The following NR1H3 variants were observed in gnomAD, a reference collection of about 807,000 sequenced individuals.
NR1H3 encodes nuclear receptor subfamily 1 group H member 3.
NR1H3 carries 19 observed loss-of-function variants against 48.1 expected under a neutral mutation model. That is an observed-to-expected ratio of 0.40 (90% CI 0.28 to 0.58). NR1H3 has a LOEUF of 0.58. NR1H3 is among the 20% of genes least tolerant of loss of function. NR1H3 has a pLI of 0.50. For synonymous variants in NR1H3, 232 were observed against 227.3 expected, an observed-to-expected ratio of 1.02 and a Z score of -0.19; for missense variants, 486 against 595.9, an observed-to-expected ratio of 0.82 and a Z score of 1.92.
chr11:47,248,887 C>T, upstream of NR1H3: 4 of 1,548,152 alleles, frequency 2.6e-6, no homozygotes, highest in Non-Finnish European at 2.6e-6. Context: ...GCCGGAAGTG[C>T]GTTCGCCGCC....
At chr11:47,259,130 C>T (rs1434839437) in intron 1 of NR1H3, 50 bp from the exon 2 acceptor site, 46 of 1,607,140 alleles carry the variant, frequency 2.9e-5, no homozygotes, top group Non-Finnish European at 3.8e-5. Flanking sequence ...GGAGCTGAGG[C>T]CAGAAAGGAG....
chr11:47,266,782 C>A (rs1956527751), intron 7 of NR1H3, among the ~76,000 whole-genome samples: 1 of 151,560 alleles, frequency 6.6e-6, no homozygotes, highest in South Asian at 2.1e-4. Context: ...GCTGGAATTA[C>A]AGGAGTGCAC....
At chr11:47,265,616 G>C (rs1956381433) in intron 7 of NR1H3, among the ~76,000 whole-genome samples, 1 of 152,174 alleles carries the variant, frequency 6.6e-6, no homozygotes, top group Admixed American at 6.5e-5. Context: ...GCTCATGCCT[G>C]TAATCCCAGT....
intron 4 of NR1H3, among the ~76,000 whole-genome samples, 199 bp from the exon 5 acceptor site, chr11:47,261,042 G>A (rs1294653607): frequency 6.6e-6 from 1 of 151,508 alleles, no homozygotes; most frequent in African/African-American, 2.4e-5. Context: ...CCAAGATCAT[G>A]CCACTGCACT....
chr11:47,251,106 C>T (rs1338997849), intron 1 of NR1H3, among the ~76,000 whole-genome samples: 4 of 152,012 alleles, frequency 2.6e-5, no homozygotes, highest in Admixed American at 6.6e-5. Flanking sequence ...TTGCAGTGAG[C>T]GGAGATCGTG....
Position 47,268,606 on chromosome 11 carries a change from CAGCGTCCACTCAG to C in NR1H3, c.1258_1270del (p.Val420LysfsTer69). 1 of 1,614,228 alleles carries C rather than the reference CAGCGTCCACTCAG, an allele frequency of 6.2e-7. No homozygotes were observed. The highest frequency in any genetic ancestry group is 8.5e-7 in the Non-Finnish European group (1 of 1,180,024). On this transcript the variant is annotated frameshift_variant, in exon 10 of 10. Coordinates refer to ENST00000441012, the MANE Select transcript of NR1H3 (RefSeq NM_005693.4). LOFTEE classifies it high-confidence loss of function. ...AACTGGTGAGCCTCCGGACCCTGAG[CAGCGTCCACTCAG>C]AGCAAGTGTTTGCACTGCGTCTGCA...
chr11:47,267,422 A>T (rs960957729), intron 7 of NR1H3, among the ~76,000 whole-genome samples: 3 of 152,214 alleles, frequency 2.0e-5, no homozygotes, highest in African/African-American at 7.2e-5. Context: ...CAATTTTCTG[A>T]GAAGGGTTCA....
rs1208697947 is a variant in NR1H3 at position 47,258,179 on chromosome 11, G to A, written c.-38+50G>A. ...CTGGGGCTCTGTGTGTGTATCTGGG[G>A]TGGGGTCGGGGAATGTCCTAAGGAT... On this transcript the variant is annotated intron_variant, in intron 1 of 9. Transcript: ENST00000441012. The A allele has an allele frequency of 3.0e-6, 3 of 985,422 alleles. No homozygotes were observed. In the Admixed American group the frequency reaches 1.8e-4, roughly 61 times the overall value. The allele number at this position is 985,422 out of a possible 1,614,324, so 61.0% of individuals were successfully genotyped here. A position where few individuals can be genotyped will look rare whatever the true frequency, so the allele number is the denominator to read the frequency against.
rs371757732 is a variant in NR1H3 at position 47,251,158 on chromosome 11, CA to C, written c.-93+2170del. Among the ~76,000 whole-genome samples, 263 of 143,404 alleles carry C rather than the reference CA, an allele frequency of 1.8e-3. 2 individuals carry two copies. Among genetic ancestry groups the C allele is most frequent in the Admixed American group, 9.0e-4 (13 of 14,430 alleles). 94.1% of individuals were successfully genotyped at this position (143,404 alleles called of 152,430 possible). A position where few individuals can be genotyped will look rare whatever the true frequency, so the allele number is the denominator to read the frequency against. On this transcript the variant is annotated intron_variant, in intron 1 of 8. Coordinates refer to the NR1H3 transcript ENST00000395397. The stretch of plus-strand genomic sequence containing the variant: ...TGGGCGACAGAGCAAGACTCCGTCT[CA>C]AAAAAAAAAAGTCAGGTTTTGTGAT...
At chr11:47,260,826 T>A in intron 4 of NR1H3, 151 bp downstream of exon 4, 4 of 1,067,068 alleles carry the variant, frequency 3.7e-6, no homozygotes, top group Non-Finnish European at 1.3e-6. Flanking sequence ...GGCTCATGCC[T>A]GTAATCCCAG....
At chr11:47,253,129 T>TTGTGTGTGTGTGTGTGTGTGTGTGTG (rs1565175278), upstream of NR1H3, among the ~76,000 whole-genome samples, 19 of 68,796 alleles carry the variant, frequency 2.8e-4, no homozygotes, top group Admixed American at 2.4e-3. Context: ...TGGCTAATTT[T>TTGTGTGTGTGTGTGTGTGTGTGTGTG]TGTGCGTGTG....
chr11:47,260,648 T>C lies in NR1H3; in HGVS notation c.472T>C (p.Cys158Arg), dbSNP rs1268443799. 1 of 1,606,738 alleles carries C rather than the reference T, an allele frequency of 6.2e-7. No homozygotes were observed. The highest frequency in any genetic ancestry group is 8.5e-7 in the Non-Finnish European group (1 of 1,178,694). Residue 158 changes from cysteine to arginine, a missense_variant, in exon 4 of 10, where the codon TGC becomes CGC. Physicochemically the swap from Cys to Arg is radical, Grantham distance 180. Transcript: ENST00000441012. ...RKCQECRLRK[C>R]RQAGMREECV... Reference sequence around the variant, plus strand: ...GTGCCAGGAGTGTCGGCTTCGCAAATGCCGTCAGGCTGGCATGCGGGAGGA... The same window carrying C: ...GTGCCAGGAGTGTCGGCTTCGCAAACGCCGTCAGGCTGGCATGCGGGAGGA...
upstream of NR1H3, among the ~76,000 whole-genome samples, chr11:47,256,934 G>T (rs1302850408): frequency 6.6e-6 from 1 of 151,976 alleles, no homozygotes; most frequent in Non-Finnish European, 1.5e-5. Flanking sequence ...GTTTCACCGT[G>T]TTAGCCAGGA....
At chr11:47,259,758 G>A in intron 2 of NR1H3, 33 bp from the exon 3 acceptor site, 1 of 1,611,206 alleles carries the variant, frequency 6.2e-7, no homozygotes, top group Non-Finnish European at 8.5e-7. Context: ...GATGGGGCCT[G>A]AGACCCCCTT....
intron 9 of NR1H3, 26 bp downstream of exon 9, chr11:47,268,381 T>C: frequency 6.2e-7 from 1 of 1,609,900 alleles, no homozygotes; most frequent in Non-Finnish European, 8.5e-7. Flanking sequence ...GTGTTCCTTT[T>C]CCTCCTTCCC....
chr11:47,265,791 G>A (rs1467516815), intron 7 of NR1H3, among the ~76,000 whole-genome samples: 2 of 152,172 alleles, frequency 1.3e-5, no homozygotes, highest in East Asian at 3.8e-4. Flanking sequence ...AGAATTGCTT[G>A]AACCTGGGAG....
At chr11:47,248,578 C>T, upstream of NR1H3, 2 of 1,551,980 alleles carry the variant, frequency 1.3e-6, no homozygotes, top group Non-Finnish European at 1.7e-6. Flanking sequence ...TCGTCCCCTC[C>T]TAAACCAGCT....
rs776890461 is a variant in NR1H3 at position 47,260,547 on chromosome 11, G to A, written c.371G>A (p.Arg124His). 8 of 1,614,100 alleles carry A rather than the reference G, an allele frequency of 5.0e-6. No individual in the cohort carries two copies. Among genetic ancestry groups the A allele is most frequent in the East Asian group, 4.5e-5 (2 of 44,898 alleles). The change falls in exon 4 of 10, where the codon CGC becomes CAC. Residue 124 changes from arginine to histidine, a missense_variant. Arg to His is a conservative substitution (Grantham distance 29). Transcript: ENST00000441012. ...GAGGGCTGCAAGGGATTCTTCCGCCGCAGCGTCATCAAGGGAGCGCACTAC... is the reference window on the plus strand; with the variant it reads ...GAGGGCTGCAAGGGATTCTTCCGCCACAGCGTCATCAAGGGAGCGCACTAC... ...SCEGCKGFFR[R>H]SVIKGAHYIC...
rs545864904 is a variant in NR1H3 at position 47,252,698 on chromosome 11, C to T, written c.-93+3699C>T. Reference sequence around the variant, plus strand: ...ACGCCATTCTCCTGCCTCAGCCTCTCGAGTAGCTGGGACTACAGGCACCTG... The same window carrying T: ...ACGCCATTCTCCTGCCTCAGCCTCTTGAGTAGCTGGGACTACAGGCACCTG... On this transcript the variant is annotated intron_variant, in intron 1 of 8. Coordinates refer to the NR1H3 transcript ENST00000395397. Among the ~76,000 whole-genome samples, 14 of 151,902 alleles carry T rather than the reference C, an allele frequency of 9.2e-5. No homozygotes were observed. The South Asian group carries it at 1.5e-3, about 16-fold the overall frequency.
Sources: allele counts gnomAD v4.1 joint callset (sites outside exome capture counted in the v4.1 genomes callset), GRCh38; gene constraint gnomAD v4.1.1; transcripts MANE v1.5; gene names NCBI Gene and HGNC (gene_info 2026-07-23, HGNC 2026-07-21).